SP3: variants seen among roughly 807,000 people sequenced by gnomAD.
The protein encoded by SP3 is transcription factor Sp3.
Under a neutral mutation model 70.3 loss-of-function variants are expected in SP3, and 10 were observed. The ratio of observed to expected loss-of-function variants is 0.14; its 90% CI spans 0.09 to 0.24. The LOEUF is 0.24. Ranked by LOEUF, SP3 falls within the 10% of genes least tolerant of loss-of-function variation. SP3 has a pLI of 1.00. For missense variants in SP3, 825 were observed against 914.6 expected (o/e 0.90, Z 1.26); for synonymous variants, 402 against 333.5 (o/e 1.21, Z -2.24).
chr2:173,942,488 C>G (rs907820856), intron 4 of SP3, among the ~76,000 whole-genome samples: 9 of 152,140 alleles, frequency 5.9e-5, no homozygotes, highest in African/African-American at 9.7e-5. Flanking sequence ...AACGCTTGAA[C>G]CCAGGAGGTG....
chr2:173,935,289 G>T (rs1161681767), intron 4 of SP3, among the ~76,000 whole-genome samples: 1 of 152,156 alleles, frequency 6.6e-6, no homozygotes, highest in Non-Finnish European at 1.5e-5. Flanking sequence ...CAGGTTAAAA[G>T]AAGCTAACTT....
intron 5 of SP3, chr2:173,914,129 T>C (rs1048630293): frequency 2.0e-5 from 3 of 151,788 alleles, no homozygotes; most frequent in African/African-American, 7.3e-5. Flanking sequence ...ATTTGAATAG[T>C]ATTAAACACT....
At chr2:173,956,627 A>G (rs1280013494) in intron 3 of SP3, among the ~76,000 whole-genome samples, 1 of 152,204 alleles carries the variant, frequency 6.6e-6, no homozygotes, top group Admixed American at 6.5e-5. Context: ...AAGTCATCCG[A>G]CTTAGAAAAG....
At chr2:173,914,248 T>C (rs545170972) in intron 5 of SP3, 1 of 152,292 alleles carries the variant, frequency 6.6e-6, no homozygotes, top group African/African-American at 2.4e-5. Context: ...ACAAAACAAT[T>C]TGTATAAACT....
At chr2:173,912,160 G>C (rs768527213) in intron 6 of SP3, among the ~76,000 whole-genome samples, 1 of 152,146 alleles carries the variant, frequency 6.6e-6, no homozygotes, top group African/African-American at 2.4e-5. Flanking sequence ...GTTTCATGTA[G>C]GTTAATCTCA....
intron 5 of SP3, chr2:173,915,386 G>A (rs1017627685): frequency 6.6e-6 from 1 of 152,124 alleles, no homozygotes; most frequent in Non-Finnish European, 1.5e-5. Flanking sequence ...CTTGAAGGGA[G>A]AGAACTGAAG....
In SP3 at chr2:173,955,337, T is replaced by C. The variant is rs1366816163; in HGVS notation, c.1175A>G (p.Gln392Arg). 2 of 1,613,954 alleles carry C rather than the reference T, an allele frequency of 1.2e-6. No individual in the cohort carries two copies. Among genetic ancestry groups the C allele is most frequent in the Non-Finnish European group, 8.5e-7 (1 of 1,180,002 alleles). ...QAQNIQVSTA[Q>R]PVVQHLQLQE... ...AAGTTGTAGATGCTGTACAACAGGC[T>C]GTGCTGTAGAAACCTGAATATTCTG... The change falls in exon 4 of 7, where the codon CAG (glutamine) becomes CGG (arginine). Residue 392 changes from glutamine (Q) to arginine (R), a missense_variant. Physicochemically the swap from Gln to Arg is conservative, Grantham distance 43 (BLOSUM62 1). Transcript: ENST00000310015.
chr2:173,923,326 T>C (rs1275330415), intron 4 of SP3, among the ~76,000 whole-genome samples: 2 of 151,756 alleles, frequency 1.3e-5, no homozygotes, highest in Non-Finnish European at 2.9e-5. Flanking sequence ...GGGCAAGAAT[T>C]GAAGAGAAAA....
chr2:173,965,063 ACACAC>A (rs1691248900), intron 1 of SP3, 97 bp downstream of exon 1: 1 of 1,460,826 alleles, frequency 6.8e-7, no homozygotes. Context: ...ACTCGGTCGC[ACACAC>A]GGGGCCGAGA....
intron 4 of SP3, among the ~76,000 whole-genome samples, chr2:173,951,441 C>T (rs1489621660): frequency 1.3e-5 from 2 of 152,132 alleles, no homozygotes; most frequent in East Asian, 3.9e-4. Flanking sequence ...CATAAATTAA[C>T]ATTTTATGAA....
intron 4 of SP3, among the ~76,000 whole-genome samples, chr2:173,920,091 C>T (rs1689709846): frequency 6.6e-6 from 1 of 151,974 alleles, no homozygotes. Flanking sequence ...GAAGCCCCCC[C>T]GCACCCCCTA....
intron 3 of SP3, among the ~76,000 whole-genome samples, chr2:173,960,210 G>C (rs1382323898): frequency 6.6e-6 from 1 of 152,132 alleles, no homozygotes; most frequent in Non-Finnish European, 1.5e-5. Flanking sequence ...GTTGGCATTA[G>C]TACAGTAAAA....
At chr2:173,941,154 T>C (rs1308917116) in intron 4 of SP3, among the ~76,000 whole-genome samples, 1 of 150,210 alleles carries the variant, frequency 6.7e-6, no homozygotes, top group Non-Finnish European at 1.5e-5. Flanking sequence ...AAAAAGTCTG[T>C]AATTACTCTC....
At chr2:173,964,257 G>C (rs1337009768) in intron 2 of SP3, 148 bp downstream of exon 2, 1 of 506,632 alleles carries the variant, frequency 2.0e-6, no homozygotes, top group Non-Finnish European at 3.5e-6. Flanking sequence ...TTGGCGCCTC[G>C]GGCGGGCAGC....
Position 173,965,250 on chromosome 2 carries a change from G to A in SP3, c.-79C>T. ...GAGCGAAGGCGGCGGCGGCGGGAGA[G>A]GATGCGGGAAGCGGCGGCGGACACG... On this transcript the variant is annotated 5_prime_UTR_variant, in exon 1 of 7. Transcript: ENST00000310015. 1 of 1,510,058 alleles carries A rather than the reference G, an allele frequency of 6.6e-7. No individual in the cohort carries two copies. The highest frequency in any genetic ancestry group is 9.0e-7 in the Non-Finnish European group (1 of 1,114,130). The allele number at this position is 1,510,058 out of a possible 1,614,324, so 93.5% of individuals were successfully genotyped here.
rs764965889 is a variant in SP3 at position 173,963,851 on chromosome 2, G to A, written c.189C>T (p.Ala63=). Residue 63 remains alanine (A), a synonymous_variant, in exon 3 of 7, where the codon GCC becomes GCT. Transcript: ENST00000310015. ...GCGGCCCTATCTTGCTGCAGGTAGC[G>A]GCCAGCAGAGCGAGCGGTGACGGCT... The part of the protein sequence containing the change: ...DTQPSPLALL[A]ATCSKIGPPS... 4 of 1,505,608 alleles carry A rather than the reference G, an allele frequency of 2.7e-6. No homozygotes were observed. The African/African-American group carries it at 4.3e-5, about 16-fold the overall frequency. The allele number at this position is 1,505,608 out of a possible 1,614,324, so 93.3% of individuals were successfully genotyped here. A position where few individuals can be genotyped will look rare whatever the true frequency, so the allele number is the denominator to read the frequency against.
chr2:173,963,679 GAGGCCTTTTGGGC>G (rs995009705), intron 3 of SP3, 69 bp downstream of exon 3: 4 of 416,702 alleles, frequency 9.6e-6, no homozygotes, highest in Non-Finnish European at 1.3e-5. Flanking sequence ...GGGCGCCGGG[GAGGCCTTTTGGGC>G]AGGCGCGCCA....
At position 173,939,764 on chromosome 2, in the gene SP3, C is replaced by CAAAAAAAAAAAAAAA. The variant is rs3045251; in HGVS notation, c.1639+15094_1639+15108dup. On this transcript the variant is annotated intron_variant, in intron 4 of 6. Coordinates refer to ENST00000310015, the MANE Select transcript of SP3 (RefSeq NM_003111.5). ...TGAGCAACAGAGCAAGACTCCAACT[C>CAAAAAAAAAAAAAAA]AAAAAAAAAAAAAAAAAAGTTACAC... Among the ~76,000 whole-genome samples the CAAAAAAAAAAAAAAA allele has an allele frequency of 7.2e-3, 507 of 70,124 alleles. 31 individuals carry two copies. The highest frequency in any genetic ancestry group is 0.017 in the East Asian group (35 of 2,082). 46.0% of individuals were successfully genotyped at this position (70,124 alleles called of 152,430 possible).
At chr2:173,962,611 ATTAT>A (rs911123143) in intron 3 of SP3, among the ~76,000 whole-genome samples, 6 of 152,220 alleles carry the variant, frequency 3.9e-5, no homozygotes, top group African/African-American at 1.4e-4. Context: ...AAAATTACAA[ATTAT>A]TTACCAGTAA....
Sources: gnomAD v4.1 joint callset for allele counts (sites outside exome capture counted in the v4.1 genomes callset) on GRCh38, gnomAD v4.1.1 for gene constraint, MANE v1.5 for transcripts, NCBI Gene and HGNC (gene_info 2026-07-23, HGNC 2026-07-21) for gene names.